The following ZNF469 variants were observed in gnomAD, a reference collection of about 807,000 sequenced individuals.
ZNF469 encodes zinc finger protein 469.
Under a neutral mutation model 1.0 loss-of-function variants are expected in ZNF469, and 1 was observed. That is an observed-to-expected ratio of 1.00 (90% CI 0.35 to 4.73). ZNF469 has a LOEUF of 4.73. ZNF469 is among the 30% of genes most tolerant of loss of function. ZNF469 has a pLI of 0.16. For synonymous variants in ZNF469, 2,703 were observed against 2,363.4 expected, an observed-to-expected ratio of 1.14 and a Z score of -4.17; for missense variants, 6,100 against 5,356.3, an observed-to-expected ratio of 1.14 and a Z score of -4.33.
Position 88,434,129 on chromosome 16 carries a change from G to A in ZNF469, c.6659G>A (p.Ser2220Asn), listed in dbSNP as rs1261788630. The A allele has an allele frequency of 6.5e-7, 1 of 1,550,294 alleles. No homozygotes were observed. Residue 2220 changes from serine (S) to asparagine (N), a missense_variant, in exon 3 of 3, where the codon AGC becomes AAC. By Grantham distance (46) the Ser-to-Asn change is conservative. Coordinates refer to ENST00000565624, the MANE Select transcript of ZNF469 (RefSeq NM_001367624.2). The part of the protein sequence containing the change: ...LAGCLLQGEG[S>N]PLEDPSSWPP... ...GGTTGCCTTCTCCAGGGGGAGGGCA[G>A]CCCCCTGGAAGACCCTTCCTCCTGG...
the ZNF469 span, among the ~76,000 whole-genome samples, chr16:88,223,590 T>C: frequency 6.6e-6 from 1 of 152,106 alleles, no homozygotes; most frequent in Non-Finnish European, 1.5e-5. Context: ...TGAAGAACTC[T>C]GAGGAAGGAT....
At chr16:88,278,703 C>T in the ZNF469 span, among the ~76,000 whole-genome samples, 4 of 133,186 alleles carry the variant, frequency 3.0e-5, 1 homozygote, top group Admixed American at 1.6e-4. Flanking sequence ...TAGTGCTGTG[C>T]GACACTGACG....
At chr16:88,370,927 T>C in the ZNF469 span, among the ~76,000 whole-genome samples, 1 of 152,230 alleles carries the variant, frequency 6.6e-6, no homozygotes, top group African/African-American at 2.4e-5. Flanking sequence ...ATCCCTGCCA[T>C]GTGAGTGAGC....
chr16:88,257,754 GGTCA>G, the ZNF469 span, among the ~76,000 whole-genome samples: 1 of 152,158 alleles, frequency 6.6e-6, no homozygotes, highest in Non-Finnish European at 1.5e-5. Flanking sequence ...GGTTTGGGAA[GGTCA>G]GTAACTTGGA....
the ZNF469 span, among the ~76,000 whole-genome samples, chr16:88,311,285 C>T: frequency 6.6e-6 from 1 of 152,196 alleles, no homozygotes; most frequent in East Asian, 1.9e-4. Flanking sequence ...GCTGAGGCCT[C>T]ACTCTTTTTA....
Position 88,435,157 on chromosome 16 carries a change from A to G in ZNF469, c.7687A>G (p.Arg2563Gly). The G allele has an allele frequency of 6.5e-7, 1 of 1,550,374 alleles. No individual in the cohort carries two copies. Among genetic ancestry groups the G allele is most frequent in the Non-Finnish European group, 8.7e-7 (1 of 1,146,964 alleles). Residue 2563 changes from arginine to glycine, a missense_variant, in exon 3 of 3, where the codon AGA becomes GGA. Coordinates refer to ENST00000565624, the MANE Select transcript of ZNF469 (RefSeq NM_001367624.2). ...PPAQGSKEVL[R>G]APGSPHSQQL... ...TGCCCAGGGCTCAAAGGAGGTTCTC[A>G]GAGCACCGGGGTCCCCACACAGCCA...
At chr16:88,351,623 A>G in the ZNF469 span, among the ~76,000 whole-genome samples, 1 of 151,926 alleles carries the variant, frequency 6.6e-6, no homozygotes, top group Non-Finnish European at 1.5e-5. Flanking sequence ...GACACTGACC[A>G]AGTCCCGTGC....
At chr16:88,209,808 G>C in the ZNF469 span, among the ~76,000 whole-genome samples, 2 of 152,142 alleles carry the variant, frequency 1.3e-5, no homozygotes, top group African/African-American at 4.8e-5. Flanking sequence ...CCTCTCTCCT[G>C]TCTGTGGGCA....
chr16:88,304,861 A>G, the ZNF469 span, among the ~76,000 whole-genome samples: 107,103 of 152,100 alleles, frequency 0.7, 37,951 homozygotes, highest in East Asian at 0.93. Flanking sequence ...TGCTGCCTGC[A>G]CCCTGGAGGC....
At chr16:88,256,922 CTTTCTTTCTTTCTTTCTTTCTTTCTTTCT>C in the ZNF469 span, among the ~76,000 whole-genome samples, 296 of 6,562 alleles carry the variant, frequency 0.045, 8 homozygotes, top group African/African-American at 0.073. Context: ...TTCTTTCTTT[CTTTCTTTCTTTCTTTCTTTCTTTCTTTCT>C]TTTCTTTTCT....
the ZNF469 span, among the ~76,000 whole-genome samples, chr16:88,133,630 TAATAA>T: frequency 6.7e-6 from 1 of 148,476 alleles, no homozygotes; most frequent in African/African-American, 2.6e-5. Flanking sequence ...ATCAATAGAT[TAATAA>T]AATAAATTAT....
chr16:88,139,929 C>T, the ZNF469 span, among the ~76,000 whole-genome samples: 1 of 152,174 alleles, frequency 6.6e-6, no homozygotes, highest in Non-Finnish European at 1.5e-5. Flanking sequence ...GTGAGACAGT[C>T]TCCAAACAAC....
chr16:88,431,261 T>A lies in ZNF469; in HGVS notation c.3791T>A (p.Ile1264Lys). The A allele has an allele frequency of 6.5e-7, 1 of 1,550,310 alleles. No homozygotes were observed. Among genetic ancestry groups the A allele is most frequent in the South Asian group, 1.2e-5 (1 of 84,058 alleles). Residue 1264 changes from isoleucine (I) to lysine (K), a missense_variant, in exon 3 of 3, where the codon ATA becomes AAA. Coordinates refer to ENST00000565624, the MANE Select transcript of ZNF469 (RefSeq NM_001367624.2). ...ATGGGAGCAAGCCCCGGTCTCCTGA[T>A]ACCAGAGCAGCCGCCGCCCAGCAGA... ...GEMGASPGLLIPEQPPPSRHD... is the reference protein window; with the variant it reads ...GEMGASPGLLKPEQPPPSRHD...
the ZNF469 span, among the ~76,000 whole-genome samples, chr16:88,232,029 C>A: frequency 6.6e-6 from 1 of 152,158 alleles, no homozygotes; most frequent in African/African-American, 2.4e-5. Context: ...GGTGGACCCT[C>A]CGGGCAGGCT....
chr16:88,372,963 C>G, the ZNF469 span, among the ~76,000 whole-genome samples: 1 of 152,116 alleles, frequency 6.6e-6, no homozygotes, highest in Non-Finnish European at 1.5e-5. Flanking sequence ...ACCATCATCA[C>G]CACCATCATC....
chr16:88,170,834 C>T, the ZNF469 span, among the ~76,000 whole-genome samples: 1 of 152,240 alleles, frequency 6.6e-6, no homozygotes, highest in Middle Eastern at 3.4e-3. The surrounding 1 kb of genome is among the most constrained non-coding windows in gnomAD (Gnocchi z 4.2). Flanking sequence ...TTTGAGGAAC[C>T]TGCATACTTT....
At chr16:88,122,087 C>T in the ZNF469 span, among the ~76,000 whole-genome samples, 8 of 147,456 alleles carry the variant, frequency 5.4e-5, 2 homozygotes, top group Non-Finnish European at 1.2e-4. Context: ...GCTGCGGCCT[C>T]GGCAGCCCCT....
rs1906248471 is a variant in ZNF469, at chr16:88,432,242, C to T, written c.4772C>T (p.Ala1591Val). The T allele has an allele frequency of 6.5e-7, 1 of 1,548,948 alleles. No homozygotes were observed. The highest frequency in any genetic ancestry group is 1.4e-5 in the African/African-American group (1 of 73,058). Residue 1591 changes from alanine (A) to valine (V), a missense_variant, in exon 3 of 3, where the codon GCT (alanine) becomes GTT (valine). Transcript: ENST00000565624. ...GGGGCCCCGAGAGAGCTTGCAGAAG[C>T]TGAGTCGGTGGGCAGGGTGGAGCTC... ...TRGAPRELAE[A>V]ESVGRVELGT...
the ZNF469 span, among the ~76,000 whole-genome samples, chr16:88,372,259 ATCGT>A: frequency 0.013 from 120 of 9,228 alleles, no homozygotes; most frequent in Non-Finnish European, 0.02. Context: ...CATCCCCATC[ATCGT>A]CACCATCACC....
Sources: allele counts gnomAD v4.1 joint callset (sites outside exome capture counted in the v4.1 genomes callset), GRCh38; gene constraint gnomAD v4.1.1; non-coding constraint Gnocchi (gnomAD v3.1); transcripts MANE v1.5; gene names NCBI Gene and HGNC (gene_info 2026-07-23, HGNC 2026-07-21).